The following SOX5 variants were observed in gnomAD, a reference collection of about 807,000 sequenced individuals.
SOX5 encodes transcription factor SOX-5.
In SOX5, 9 loss-of-function variants were observed where a neutral mutation model predicts 92.0. The ratio of observed to expected loss-of-function variants is 0.10; its 90% CI spans 0.06 to 0.17. SOX5 has a LOEUF of 0.17. Ranked by LOEUF, SOX5 falls within the 10% of genes least tolerant of loss-of-function variation. The pLI is 1.00. For missense variants in SOX5, 642 were observed against 944.5 expected (o/e 0.68, Z 4.20); for synonymous variants, 344 against 336.3 (o/e 1.02, Z -0.25).
intron 11 of SOX5, among the ~76,000 whole-genome samples, chr12:23,559,713 C>G (rs574529578): frequency 6.6e-6 from 1 of 151,834 alleles, no homozygotes; most frequent in East Asian, 1.9e-4. Flanking sequence ...GGCTGTGTAC[C>G]CAAGAAAACA....
chr12:23,628,943 A>G (rs1034065993), intron 8 of SOX5, among the ~76,000 whole-genome samples: 2 of 151,976 alleles, frequency 1.3e-5, no homozygotes, highest in African/African-American at 4.8e-5. Context: ...CAGTTCATTC[A>G]TGACTGCAAC....
chr12:23,891,089 T>C (rs2097125940), intron 2 of SOX5, among the ~76,000 whole-genome samples: 1 of 152,206 alleles, frequency 6.6e-6, no homozygotes, highest in Non-Finnish European at 1.5e-5. Context: ...CTGACAATAT[T>C]TTGTGAATAT....
intron 4 of SOX5, among the ~76,000 whole-genome samples, chr12:23,969,492 G>C (rs1947976206): frequency 6.6e-6 from 1 of 152,192 alleles, no homozygotes; most frequent in Non-Finnish European, 1.5e-5. Flanking sequence ...CCACGTGGCA[G>C]TTACAGCAGT....
chr12:23,606,465 C>A (rs923566816), intron 8 of SOX5, among the ~76,000 whole-genome samples: 2 of 151,522 alleles, frequency 1.3e-5, no homozygotes, highest in Admixed American at 1.3e-4. Flanking sequence ...ATGGAACATA[C>A]AATATCTGTG....
chr12:23,798,776 C>T (rs1464943397), intron 3 of SOX5, among the ~76,000 whole-genome samples: 1 of 151,668 alleles, frequency 6.6e-6, no homozygotes, highest in Admixed American at 6.6e-5. Flanking sequence ...TTTGAGATTA[C>T]TAAAGTAATA....
intron 2 of SOX5, among the ~76,000 whole-genome samples, chr12:24,301,748 T>G (rs960964209): frequency 6.6e-6 from 1 of 152,110 alleles, no homozygotes; most frequent in African/African-American, 2.4e-5. Context: ...CTGTCCTGGG[T>G]GGAGGATGAA....
intron 3 of SOX5, among the ~76,000 whole-genome samples, chr12:23,763,155 C>G (rs74069195): frequency 0.02 from 3,099 of 152,256 alleles, 102 homozygotes; most frequent in African/African-American, 0.067. Flanking sequence ...TGCCCTTTGG[C>G]AAGTAATGTA....
chr12:23,671,258 G>A (rs1272832977), intron 6 of SOX5, among the ~76,000 whole-genome samples: 1 of 152,118 alleles, frequency 6.6e-6, no homozygotes, highest in East Asian at 1.9e-4. Context: ...GTTTATATCA[G>A]CACAATTACA....
chr12:24,138,978 A>T (rs901710017), intron 4 of SOX5, among the ~76,000 whole-genome samples: 1 of 152,198 alleles, frequency 6.6e-6, no homozygotes, highest in African/African-American at 2.4e-5. Context: ...AAACTCTCAG[A>T]TGCACAATAT....
intron 2 of SOX5, among the ~76,000 whole-genome samples, chr12:23,889,336 T>G (rs2097104582): frequency 1.3e-5 from 2 of 152,194 alleles, no homozygotes; most frequent in South Asian, 4.1e-4. Flanking sequence ...TAAGGCCCTA[T>G]TCTGTGACTT....
intron 1 of SOX5, among the ~76,000 whole-genome samples, chr12:23,948,613 A>T (rs532329586): frequency 6.7e-6 from 1 of 150,338 alleles, no homozygotes; most frequent in South Asian, 2.1e-4. Flanking sequence ...TTTTTTTTTT[A>T]ATTCACCATA....
At chr12:23,926,042 T>G (rs1369519628) in intron 1 of SOX5, among the ~76,000 whole-genome samples, 5 of 152,076 alleles carry the variant, frequency 3.3e-5, no homozygotes, top group Admixed American at 2.0e-4. Flanking sequence ...CATGCTGGAG[T>G]TATCCATAAT....
At chr12:24,023,002 A>G (rs1431464355) in intron 4 of SOX5, among the ~76,000 whole-genome samples, 1 of 152,054 alleles carries the variant, frequency 6.6e-6, no homozygotes, top group African/African-American at 2.4e-5. Flanking sequence ...AGGGAAAACA[A>G]TAATTTCTAC....
chr12:24,549,906 G>A lies in SOX5; in HGVS notation c.-251+12423C>T, dbSNP rs1952986909. Reference sequence around the variant, plus strand: ...AGTCGAGGGAAAGATACTAGTTTGGGGAACTTGCAATGATTCAGGGTGAGA... The same window carrying A: ...AGTCGAGGGAAAGATACTAGTTTGGAGAACTTGCAATGATTCAGGGTGAGA... On this transcript the variant is annotated intron_variant, in intron 1 of 4. Coordinates refer to the SOX5 transcript ENST00000446891. Among the ~76,000 whole-genome samples, 6 of 152,282 alleles carry A rather than the reference G, an allele frequency of 3.9e-5. No homozygotes were observed. In the South Asian group the frequency reaches 1.2e-3, roughly 32 times the overall value.
chr12:23,828,703 A>G (rs2096269933), intron 3 of SOX5, among the ~76,000 whole-genome samples: 1 of 152,018 alleles, frequency 6.6e-6, no homozygotes, highest in Admixed American at 6.6e-5. Context: ...CTTGGAAGCA[A>G]TTAATATAAA....
At chr12:24,028,066 A>T (rs1057334132) in intron 4 of SOX5, among the ~76,000 whole-genome samples, 2 of 152,092 alleles carry the variant, frequency 1.3e-5, no homozygotes, top group Non-Finnish European at 2.9e-5. Context: ...ATAGTATTCT[A>T]TGACTTCTGT....
intron 1 of SOX5, among the ~76,000 whole-genome samples, chr12:23,900,970 AC>A (rs968190115): frequency 1.3e-5 from 2 of 152,106 alleles, no homozygotes; most frequent in Non-Finnish European, 2.9e-5. Flanking sequence ...AAACAAACAA[AC>A]AAAAAACAAC....
rs116649149 is a variant in SOX5 at position 24,303,291 on chromosome 12, C to T, written c.-173-25979G>A. On this transcript the variant is annotated intron_variant, in intron 2 of 4. Coordinates refer to the SOX5 transcript ENST00000446891. ...CTTAAAGTTGACTGATTTCTCCTACCCAAAAGTTAATAGCATATTACAGTA... is the reference window on the plus strand; with the variant it reads ...CTTAAAGTTGACTGATTTCTCCTACTCAAAAGTTAATAGCATATTACAGTA... Among the ~76,000 whole-genome samples the T allele has an allele frequency of 4.6e-3, 702 of 152,062 alleles. 3 individuals are homozygous for T. Among genetic ancestry groups the T allele is most frequent in the African/African-American group, 0.016 (663 of 41,422 alleles).
chr12:24,287,915 G>A (rs1425974416), intron 2 of SOX5, among the ~76,000 whole-genome samples: 3 of 151,978 alleles, frequency 2.0e-5, no homozygotes, highest in African/African-American at 4.8e-5. Flanking sequence ...ACTGCCCTCC[G>A]TACTCTATAA....
Sources: gnomAD v4.1 joint callset for allele counts (sites outside exome capture counted in the v4.1 genomes callset) on GRCh38, gnomAD v4.1.1 for gene constraint, MANE v1.5 for transcripts, NCBI Gene and HGNC (gene_info 2026-07-23, HGNC 2026-07-21) for gene names.